The following ANKRD33B variants were observed in gnomAD, a reference collection of about 807,000 sequenced individuals.
The protein encoded by ANKRD33B is ankyrin repeat domain 33B, also known as ankyrin repeat domain-containing protein 33B.
Under a neutral mutation model 21.5 loss-of-function variants are expected in ANKRD33B, and 6 were observed. That is an observed-to-expected ratio of 0.28 (90% CI 0.15 to 0.55). The LOEUF is 0.55. ANKRD33B is among the 20% of genes least tolerant of loss of function. ANKRD33B has a pLI of 0.94. For synonymous variants in ANKRD33B, 347 were observed against 342.4 expected (o/e 1.01, Z -0.15); for missense variants, 698 against 747.2 (o/e 0.93, Z 0.77).
At chr5:10,581,008 C>T (rs1735432848) in intron 1 of ANKRD33B, among the ~76,000 whole-genome samples, 1 of 152,152 alleles carries the variant, frequency 6.6e-6, no homozygotes, top group South Asian at 2.1e-4. Flanking sequence ...GGTCCCATGT[C>T]CTCGTCCTGC....
In ANKRD33B at chr5:10,654,071, C is replaced by G. The variant is rs1018893233; in HGVS notation, c.*3958C>G. The G allele has an allele frequency of 1.3e-5, 2 of 152,592 alleles. No homozygotes were observed. The highest frequency in any genetic ancestry group is 2.9e-5 in the Non-Finnish European group (2 of 68,262). The allele number at this position is 152,592 out of a possible 1,614,324, so 9.5% of individuals were successfully genotyped here. The stretch of plus-strand genomic sequence containing the variant: ...CAGCTGGTTTAAGTTCTTGATCATC[C>G]CTGGCACCACCTACCCTAAGGTCTT... On this transcript the variant is annotated 3_prime_UTR_variant, in exon 4 of 4. Transcript: ENST00000296657.
intron 2 of ANKRD33B, among the ~76,000 whole-genome samples, chr5:10,635,028 C>G (rs1736823261): frequency 6.6e-6 from 1 of 151,576 alleles, no homozygotes; most frequent in Non-Finnish European, 1.5e-5. Flanking sequence ...AAAGCTCAGG[C>G]CTGTAGTCAG....
At chr5:10,618,994 C>A (rs1335430889) in intron 2 of ANKRD33B, among the ~76,000 whole-genome samples, 1 of 152,084 alleles carries the variant, frequency 6.6e-6, no homozygotes, top group African/African-American at 2.4e-5. Flanking sequence ...AAGCATGTGG[C>A]CCTCAGCCCA....
intron 2 of ANKRD33B, among the ~76,000 whole-genome samples, chr5:10,632,477 T>G (rs1736746359): frequency 6.6e-6 from 1 of 151,980 alleles, no homozygotes; most frequent in South Asian, 2.1e-4. Flanking sequence ...GAACCAGGGG[T>G]GTGGCGGGGC....
At chr5:10,592,614 G>C (rs1211071540) in intron 1 of ANKRD33B, among the ~76,000 whole-genome samples, 1 of 142,840 alleles carries the variant, frequency 7.0e-6, no homozygotes, top group Non-Finnish European at 1.5e-5. Flanking sequence ...GCAACAGAGT[G>C]AGACTCTGTC....
chr5:10,601,028 G>A (rs919023892), intron 1 of ANKRD33B, among the ~76,000 whole-genome samples: 1 of 152,140 alleles, frequency 6.6e-6, no homozygotes, highest in African/African-American at 2.4e-5. Context: ...AGAATGTCAT[G>A]TGGAAGCCAC....
chr5:10,574,026 C>A (rs1283452028), intron 1 of ANKRD33B, among the ~76,000 whole-genome samples: 1 of 152,258 alleles, frequency 6.6e-6, no homozygotes, highest in Non-Finnish European at 1.5e-5. Flanking sequence ...TCATGCTCTT[C>A]ACGTCTGTGT....
At chr5:10,614,199 C>G (rs1339574281) in intron 1 of ANKRD33B, among the ~76,000 whole-genome samples, 3 of 152,110 alleles carry the variant, frequency 2.0e-5, no homozygotes, top group African/African-American at 7.2e-5. Context: ...TGTGGGGAGG[C>G]CAGCCTTTTT....
Position 10,654,185 on chromosome 5 carries a change from A to C in ANKRD33B, c.*4072A>C, listed in dbSNP as rs889098730. ...ACCTCCTAGACCCCAGAGTGAATGA[A>C]TGGCAGGCCTGCCAGTGACTGTGCT... is the stretch of plus-strand genomic sequence containing the variant. On this transcript the variant is annotated 3_prime_UTR_variant, in exon 4 of 4. Transcript: ENST00000296657. 2.0e-5 allele frequency: 3 copies of C among 152,366 alleles called. No individual in the cohort carries two copies. The highest frequency in any genetic ancestry group is 2.0e-4 in the Admixed American group (3 of 15,282). 9.4% of individuals were successfully genotyped at this position (152,366 alleles called of 1,614,324 possible).
At position 10,564,791 on chromosome 5, in the gene ANKRD33B, G is replaced by A; in HGVS notation, c.324G>A (p.Gly108=). 1 of 1,523,314 alleles carries A rather than the reference G, an allele frequency of 6.6e-7. No individual in the cohort carries two copies. The highest frequency in any genetic ancestry group is 2.5e-5 in the East Asian group (1 of 40,562). 94.4% of individuals were successfully genotyped at this position (1,523,314 alleles called of 1,614,324 possible). Residue 108 remains glycine (G), a synonymous_variant, in exon 1 of 4, where the codon GGG becomes GGA. Coordinates refer to ENST00000296657, the MANE Select transcript of ANKRD33B (RefSeq NM_001164440.2). Reference sequence around the variant, plus strand: ...TGCTGCGGACGCTGGTGCGGCGCGGGGTGAGCGTCGAGGAGGCGCAGGAGA... The same window carrying A: ...TGCTGCGGACGCTGGTGCGGCGCGGAGTGAGCGTCGAGGAGGCGCAGGAGA... ...VGLLRTLVRR[G]VSVEEAQETD...
At chr5:10,615,560 A>G (rs1460344744) in intron 1 of ANKRD33B, among the ~76,000 whole-genome samples, 1 of 152,260 alleles carries the variant, frequency 6.6e-6, no homozygotes, top group African/African-American at 2.4e-5. Context: ...TATTGCTGAT[A>G]TAGTCCTAAC....
At chr5:10,585,996 A>G (rs1240347051) in intron 1 of ANKRD33B, among the ~76,000 whole-genome samples, 1 of 152,216 alleles carries the variant, frequency 6.6e-6, no homozygotes, top group Non-Finnish European at 1.5e-5. Context: ...GGGCTCTATC[A>G]TCAAGGACCC....
Position 10,564,853 on chromosome 5 carries a change from G to C in ANKRD33B, c.366+20G>C. 2 of 1,479,770 alleles carry C rather than the reference G, an allele frequency of 1.4e-6. No homozygotes were observed. Among genetic ancestry groups the C allele is most frequent in the East Asian group, 2.5e-5 (1 of 40,164 alleles). The allele number at this position is 1,479,770 out of a possible 1,614,324, so 91.7% of individuals were successfully genotyped here. On this transcript the variant is annotated intron_variant, in intron 1 of 3. Transcript: ENST00000296657. The stretch of plus-strand genomic sequence containing the variant: ...GGCAGGGTAAGCGGGCGTCCCCGCA[G>C]GATTTGAGCCCCCTCACTGCCCCCA...
At chr5:10,640,374 C>T (rs1019241215) in intron 3 of ANKRD33B, among the ~76,000 whole-genome samples, 1 of 152,178 alleles carries the variant, frequency 6.6e-6, no homozygotes, top group African/African-American at 2.4e-5. Context: ...CCTCACCTCC[C>T]TGAGGCTAAA....
At chr5:10,634,457 A>ATTTTTTTTTTTTTTTTTTTTTT (rs34515233) in intron 2 of ANKRD33B, among the ~76,000 whole-genome samples, 1 of 141,858 alleles carries the variant, frequency 7.0e-6, no homozygotes. Flanking sequence ...CTCAAACTAG[A>ATTTTTTTTTTTTTTTTTTTTTT]TTTTTTTCTT....
rs1736917590 is a variant in ANKRD33B at position 10,638,180 on chromosome 5, T to A, written c.637+12T>A. Reference sequence around the variant, plus strand: ...CCTGATGCTAGCAGGTATGTCCACCTGTCCTGTGCAGCTTCCAGGGGCCCT... The same window carrying A: ...CCTGATGCTAGCAGGTATGTCCACCAGTCCTGTGCAGCTTCCAGGGGCCCT... On this transcript the variant is annotated intron_variant, in intron 3 of 3. Transcript: ENST00000296657. The A allele has an allele frequency of 2.0e-6, 3 of 1,536,648 alleles. No homozygotes were observed. The highest frequency in any genetic ancestry group is 4.9e-5 in the East Asian group (2 of 41,058).
Position 10,649,437 on chromosome 5 carries a change from C to A in ANKRD33B, c.809C>A (p.Ala270Glu), listed in dbSNP as rs545135211. 6.5e-7 allele frequency: 1 copy of A among 1,535,254 alleles called. No homozygotes were observed. Among genetic ancestry groups the A allele is most frequent in the African/African-American group, 1.4e-5 (1 of 73,142 alleles). The part of the protein sequence containing the change: ...RPELPPPPEA[A>E]RKPAGSKNCL... The stretch of plus-strand genomic sequence containing the variant: ...GAGCTGCCGCCGCCCCCTGAAGCGG[C>A]GCGGAAGCCCGCGGGCTCCAAGAAC... Residue 270 changes from alanine to glutamate, a missense_variant, in exon 4 of 4, where the codon GCG becomes GAG. Coordinates refer to ENST00000296657, the MANE Select transcript of ANKRD33B (RefSeq NM_001164440.2).
chr5:10,618,498 T>C, intron 2 of ANKRD33B, 36 bp downstream of exon 2: 1 of 1,491,484 alleles, frequency 6.7e-7, no homozygotes, highest in Non-Finnish European at 8.9e-7. Flanking sequence ...CTCAGAGCCG[T>C]GGCCAGAGCA....
intron 1 of ANKRD33B, among the ~76,000 whole-genome samples, chr5:10,603,182 CA>C (rs1735969381): frequency 6.6e-6 from 1 of 152,054 alleles, no homozygotes; most frequent in African/African-American, 2.4e-5. Context: ...GTCTTCTGTA[CA>C]GTTTTCTCAC....
Sources: allele counts gnomAD v4.1 joint callset (sites outside exome capture counted in the v4.1 genomes callset), GRCh38; gene constraint gnomAD v4.1.1; transcripts MANE v1.5; gene names NCBI Gene and HGNC (gene_info 2026-07-23, HGNC 2026-07-21).